Variants in UNC13A observed in about 807,000 individuals in gnomAD.
UNC13A encodes the protein protein unc-13 homolog A.
A neutral mutation model predicts 219.7 loss-of-function variants in UNC13A; 61 were observed. That is an observed-to-expected ratio of 0.28 (90% confidence interval 0.23 to 0.34). The LOEUF (loss-of-function observed/expected upper bound fraction) is 0.34, where lower values mean the gene tolerates loss of function less well. UNC13A is among the 10% of genes least tolerant of loss of function. UNC13A has a pLI of 1.00. For missense variants in UNC13A, 1,476 were observed against 2,270.3 expected (o/e 0.65, Z 7.11); for synonymous variants, 920 against 884.6 (o/e 1.04, Z -0.71).
intron 4 of UNC13A, among the ~76,000 whole-genome samples, chr19:17,671,838 AG>A (rs1255770565): frequency 6.6e-6 from 1 of 152,148 alleles, no homozygotes; most frequent in African/African-American, 2.4e-5. Flanking sequence ...GCACAGGCTG[AG>A]GGGCCAGGGT....
chr19:17,656,193 C>G lies in UNC13A; in HGVS notation c.973G>C (p.Glu325Gln), dbSNP rs2079449704. 1.9e-6 allele frequency: 3 copies of G among 1,552,218 alleles called. No homozygotes were observed. In the East Asian group the frequency reaches 7.3e-5, roughly 38 times the overall value. The stretch of plus-strand genomic sequence containing the variant: ...TCCAGGAAGTCCTCCAGGTCCTCCT[C>G]CAGCTCTTCCTCATCCTGGTCCCAG... ...PRWDQDEEEL[E>Q]EDLEDFLEEE... The change falls in exon 10 of 44, where the codon GAG becomes CAG. Residue 325 changes from glutamate (E) to glutamine (Q), a missense_variant. Around this residue, in one of 14 missense-constraint regions of UNC13A, gnomAD observed 351 missense variants for 342.6 expected, o/e 1.02. Coordinates refer to ENST00000519716, the MANE Select transcript of UNC13A (RefSeq NM_001080421.3).
Position 17,648,918 on chromosome 19 carries a change from C to G in UNC13A, c.1590G>C (p.Glu530Asp), listed in dbSNP as rs756693471. The G allele has an allele frequency of 1.9e-6, 3 of 1,597,530 alleles. No individual in the cohort carries two copies. In the South Asian group the frequency reaches 3.4e-5, roughly 18 times the overall value. Residue 530 changes from glutamate to aspartate, a missense_variant, in exon 15 of 44, where the codon GAG (glutamate) becomes GAC (aspartate). Around this residue, in one of 14 missense-constraint regions of UNC13A, gnomAD observed 85 missense variants for 211.5 expected, o/e 0.40. Transcript: ENST00000519716. Reference protein sequence around the residue: ...SALASSTLNNEELKNHVYKKT... With the variant: ...SALASSTLNNDELKNHVYKKT... ...AAAGAGGTGCCCCACGCACCAGCTC[C>G]TCGTTGTTCAACGTGCTGGAGGCCA... is the stretch of plus-strand genomic sequence containing the variant.
chr19:17,620,841 G>A, intron 37 of UNC13A, 119 bp from the exon 38 acceptor site: 3 of 1,183,122 alleles, frequency 2.5e-6, no homozygotes. Flanking sequence ...TCCTCCCCAG[G>A]TCCTGGGTCT....
At chr19:17,630,328 C>A (rs2076829594) in intron 29 of UNC13A, 40 bp from the exon 30 acceptor site, 2 of 1,552,072 alleles carry the variant, frequency 1.3e-6, no homozygotes, top group African/African-American at 2.7e-5. Flanking sequence ...AGGAGATCAG[C>A]ACCAGAGAAT....
chr19:17,611,575 G>C (rs1042910025), intron 42 of UNC13A, among the ~76,000 whole-genome samples, 188 bp downstream of exon 42: 1 of 152,238 alleles, frequency 6.6e-6, no homozygotes, highest in African/African-American at 2.4e-5. Flanking sequence ...GATGGAGAAA[G>C]TGGGATTCAG....
intron 42 of UNC13A, 79 bp downstream of exon 42, chr19:17,611,684 A>G: frequency 7.6e-7 from 1 of 1,314,332 alleles, no homozygotes; most frequent in Admixed American, 1.8e-5. Flanking sequence ...AACAACAAAA[A>G]AAGGGTGTTG....
intron 36 of UNC13A, 139 bp downstream of exon 36, chr19:17,623,403 G>C: frequency 3.2e-6 from 2 of 631,978 alleles, no homozygotes; most frequent in Non-Finnish European, 2.6e-6. Context: ...GACAGACACA[G>C]GCACATCTAG....
Position 17,632,769 on chromosome 19 carries a change from G to T in UNC13A, c.3428+13C>A. 1 of 1,613,530 alleles carries T rather than the reference G, an allele frequency of 6.2e-7. No homozygotes were observed. The highest frequency in any genetic ancestry group is 1.3e-5 in the African/African-American group (1 of 75,028). On this transcript the variant is annotated intron_variant, in intron 28 of 43. Transcript: ENST00000519716. Reference sequence around the variant, plus strand: ...AGTTCTGGCTTGGGTTGGGCCTGGGGCAGGGGACTTACGCAGGGTACTCAG... The same window carrying T: ...AGTTCTGGCTTGGGTTGGGCCTGGGTCAGGGGACTTACGCAGGGTACTCAG...
chr19:17,625,912 T>C (rs536924521), intron 34 of UNC13A, among the ~76,000 whole-genome samples: 7 of 151,546 alleles, frequency 4.6e-5, no homozygotes, highest in Non-Finnish European at 8.8e-5. Context: ...TAAATATCTA[T>C]TGACCTATCC....
At chr19:17,617,278 C>T (rs1276229068) in intron 41 of UNC13A, among the ~76,000 whole-genome samples, 2 of 152,158 alleles carry the variant, frequency 1.3e-5, no homozygotes, top group African/African-American at 4.8e-5. Flanking sequence ...TCCCTGGACC[C>T]ATGACTGTCC....
intron 40 of UNC13A, 68 bp from the exon 41 acceptor site, chr19:17,617,917 C>A (rs8113826): frequency 0.04 from 63,453 of 1,573,326 alleles, 1,645 homozygotes; most frequent in African/African-American, 0.14. Flanking sequence ...GGCTGGGTAG[C>A]CCTGCTGTCC....
chr19:17,685,650 A>C (rs1037046487), intron 1 of UNC13A, among the ~76,000 whole-genome samples: 1 of 152,206 alleles, frequency 6.6e-6, no homozygotes, highest in Non-Finnish European at 1.5e-5. Context: ...ATACACGTGT[A>C]TGCTTGTGTT....
Position 17,627,819 on chromosome 19 carries a change from GGGT to G in UNC13A, c.3831+41_3831+43del, listed in dbSNP as rs2076799580. ...GGGGCCTGCAGGGACACAGTGGTGGGGGTGCCCCATCCCTTCTCCAGCCCTGCC... is the reference window on the plus strand; with the variant it reads ...GGGGCCTGCAGGGACACAGTGGTGGGGCCCCATCCCTTCTCCAGCCCTGCC... On this transcript the variant is annotated intron_variant, in intron 32 of 43. Coordinates refer to ENST00000519716, the MANE Select transcript of UNC13A (RefSeq NM_001080421.3). The surrounding 1 kb of genome is among the most constrained non-coding windows in gnomAD (Gnocchi z 4.7). The G allele has an allele frequency of 6.4e-7, 1 of 1,553,322 alleles. No individual in the cohort carries two copies. Among genetic ancestry groups the G allele is most frequent in the East Asian group, 2.4e-5 (1 of 42,260 alleles).
chr19:17,676,095 G>A, intron 1 of UNC13A, 54 bp from the exon 2 acceptor site: 1 of 1,529,278 alleles, frequency 6.5e-7, no homozygotes, highest in East Asian at 2.5e-5. Context: ...GTGGGGAGGA[G>A]GAGGCAGAGA....
chr19:17,638,658 T>G (rs191758925), intron 25 of UNC13A, among the ~76,000 whole-genome samples: 16 of 151,770 alleles, frequency 1.1e-4, no homozygotes, highest in Non-Finnish European at 2.1e-4. Context: ...TGAAACCCCG[T>G]TTTTACTAAA....
intron 1 of UNC13A, among the ~76,000 whole-genome samples, chr19:17,683,451 G>C (rs1336577976): frequency 6.6e-6 from 1 of 151,978 alleles, no homozygotes; most frequent in Non-Finnish European, 1.5e-5. Context: ...GGCCACTAGA[G>C]ATGTATTTGT....
At chr19:17,636,186 T>C (rs369381855) in intron 25 of UNC13A, 29 bp from the exon 26 acceptor site, 38 of 1,567,574 alleles carry the variant, frequency 2.4e-5, no homozygotes, top group Admixed American at 5.6e-5. Context: ...ACCTCGGTTA[T>C]AGGGGGTCCA....
chr19:17,630,335 G>T (rs2076829734), intron 29 of UNC13A, 47 bp from the exon 30 acceptor site: 2 of 1,549,288 alleles, frequency 1.3e-6, no homozygotes, highest in African/African-American at 1.4e-5. Flanking sequence ...CAGCACCAGA[G>T]AATCCCTAGA....
chr19:17,611,952 A>G lies in UNC13A; in HGVS notation c.4559-97T>C, dbSNP rs1180266932. 7 of 1,062,896 alleles carry G rather than the reference A, an allele frequency of 6.6e-6. No homozygotes were observed. In the East Asian group the frequency reaches 1.7e-4, roughly 26 times the overall value. The allele number at this position is 1,062,896 out of a possible 1,614,324, so 65.8% of individuals were successfully genotyped here. On this transcript the variant is annotated intron_variant, in intron 41 of 43. Transcript: ENST00000519716. ...CCTCCCACCCACCTGTGCTGGCGGC[A>G]CCAGGTCATCAGCCCTGATAGGGAG... is the stretch of plus-strand genomic sequence containing the variant.
Sources: allele counts gnomAD v4.1 joint callset (sites outside exome capture counted in the v4.1 genomes callset), GRCh38; gene constraint gnomAD v4.1.1; regional missense constraint gnomAD v4.1.1; non-coding constraint Gnocchi (gnomAD v3.1); transcripts MANE v1.5; gene names NCBI Gene and HGNC (gene_info 2026-07-23, HGNC 2026-07-21).